Variants in SLC26A7 observed in about 807,000 individuals in gnomAD.
SLC26A7 encodes solute carrier family 26 member 7.
A neutral mutation model predicts 82.5 loss-of-function variants in SLC26A7; 59 were observed. The observed-to-expected ratio is 0.72, with a 90% confidence interval of 0.58 to 0.89. The LOEUF (loss-of-function observed/expected upper bound fraction) is 0.89, where lower values mean the gene tolerates loss of function less well. Ranked by LOEUF, SLC26A7 falls within the 40% of genes least tolerant of loss-of-function variation. SLC26A7 has a pLI of 0.00. For synonymous variants in SLC26A7, 271 were observed against 274.3 expected (o/e 0.99, Z 0.12); for missense variants, 820 against 793.0 (o/e 1.03, Z -0.41).
At chr8:91,299,263 C>T (rs538420312) in intron 4 of SLC26A7, among the ~76,000 whole-genome samples, 4 of 151,880 alleles carry the variant, frequency 2.6e-5, no homozygotes, top group Admixed American at 2.6e-4. Flanking sequence ...GGCAGTTGTA[C>T]TTTGACTTTA....
chr8:91,392,673 A>C (rs982630341), intron 16 of SLC26A7, among the ~76,000 whole-genome samples: 3 of 152,148 alleles, frequency 2.0e-5, no homozygotes, highest in African/African-American at 7.2e-5. Context: ...TAGTTGCTTT[A>C]GCATAAGAAA....
intron 4 of SLC26A7, among the ~76,000 whole-genome samples, chr8:91,313,696 C>T (rs144149227): frequency 3.1e-3 from 470 of 152,226 alleles, no homozygotes; most frequent in African/African-American, 0.011. Flanking sequence ...TCTCTTTACA[C>T]GATCATTTAG....
intron 15 of SLC26A7, among the ~76,000 whole-genome samples, chr8:91,380,050 T>C (rs1814626481): frequency 6.6e-6 from 1 of 152,070 alleles, no homozygotes; most frequent in African/African-American, 2.4e-5. Flanking sequence ...TATGCTTGAC[T>C]TCACTATTAT....
chr8:91,285,556 T>C (rs1388219676), intron 2 of SLC26A7, among the ~76,000 whole-genome samples: 1 of 152,226 alleles, frequency 6.6e-6, no homozygotes, highest in Non-Finnish European at 1.5e-5. Flanking sequence ...GTTCAACATA[T>C]AAATTTTAGG....
chr8:91,218,544 T>C (rs781063310), intron 1 of SLC26A7, among the ~76,000 whole-genome samples: 9 of 152,180 alleles, frequency 5.9e-5, no homozygotes, highest in Non-Finnish European at 7.4e-5. Flanking sequence ...ATTTGCTGAT[T>C]GATCAATTTA....
intron 2 of SLC26A7, among the ~76,000 whole-genome samples, chr8:91,259,842 T>A (rs1200395458): frequency 6.6e-6 from 1 of 152,058 alleles, no homozygotes; most frequent in Non-Finnish European, 1.5e-5. Flanking sequence ...TCATGTCCAA[T>A]CTCCACCCTA....
chr8:91,307,550 CA>C (rs1812348532), intron 4 of SLC26A7, among the ~76,000 whole-genome samples: 1 of 143,274 alleles, frequency 7.0e-6, no homozygotes, highest in Admixed American at 7.0e-5. Flanking sequence ...ATCGCAAGAA[CA>C]AAAAACCAAA....
intron 8 of SLC26A7, among the ~76,000 whole-genome samples, chr8:91,340,995 T>C (rs1813394552): frequency 6.6e-6 from 1 of 152,132 alleles, no homozygotes; most frequent in African/African-American, 2.4e-5. Flanking sequence ...TTTCTTTTTT[T>C]TTTTTTATAC....
intron 12 of SLC26A7, among the ~76,000 whole-genome samples, chr8:91,362,667 A>G (rs2130870260): frequency 6.6e-6 from 1 of 152,222 alleles, no homozygotes; most frequent in South Asian, 2.1e-4. Context: ...ATCTTAATGA[A>G]GATAAATAGC....
intron 2 of SLC26A7, among the ~76,000 whole-genome samples, chr8:91,284,418 A>G (rs1363748380): frequency 1.3e-5 from 2 of 152,218 alleles, no homozygotes; most frequent in African/African-American, 4.8e-5. Context: ...GAGATTGGAG[A>G]GACGAAGGAG....
intron 1 of SLC26A7, among the ~76,000 whole-genome samples, chr8:91,210,570 C>G (rs62526738): frequency 8.4e-5 from 4 of 47,752 alleles, no homozygotes; most frequent in Non-Finnish European, 3.0e-4. Flanking sequence ...CAGACACACA[C>G]ACACACACAC....
rs58981485 is a variant in SLC26A7, at chr8:91,316,451, A to ATTTTTTTTT, written c.478-1734_478-1726dup. 1.2e-4 allele frequency among the ~76,000 whole-genome samples: 4 copies of ATTTTTTTTT among 34,390 alleles called. 1 individual carries two copies. Among genetic ancestry groups the ATTTTTTTTT allele is most frequent in the Admixed American group, 9.2e-4 (2 of 2,164 alleles). The allele number at this position is 34,390 out of a possible 152,430, so 22.6% of individuals were successfully genotyped here. ...GAACTCGCTGCCACACTCAACACTA[A>ATTTTTTTTT]TTTTTTTTTTTTTTTTTTTTTTTTT... On this transcript the variant is annotated intron_variant, in intron 4 of 18. Coordinates refer to ENST00000276609, the MANE Select transcript of SLC26A7 (RefSeq NM_052832.4).
intron 5 of SLC26A7, among the ~76,000 whole-genome samples, chr8:91,318,888 C>T (rs914114193): frequency 2.0e-5 from 3 of 152,142 alleles, no homozygotes; most frequent in African/African-American, 7.2e-5. Flanking sequence ...TCTAACAACA[C>T]TTTTTTGTTC....
At chr8:91,340,696 C>T in intron 8 of SLC26A7, 145 bp downstream of exon 8, 1 of 932,668 alleles carries the variant, frequency 1.1e-6, no homozygotes, top group Non-Finnish European at 1.6e-6. Flanking sequence ...AGAAAAATAT[C>T]AAAATCATTC....
At chr8:91,356,653 T>C (rs1320973357) in intron 11 of SLC26A7, among the ~76,000 whole-genome samples, 2 of 152,168 alleles carry the variant, frequency 1.3e-5, no homozygotes, top group Non-Finnish European at 2.9e-5. Context: ...GAGTAGGTTG[T>C]GAAAATTTTC....
At chr8:91,262,805 A>G (rs999992312) in intron 2 of SLC26A7, among the ~76,000 whole-genome samples, 1 of 152,008 alleles carries the variant, frequency 6.6e-6, no homozygotes, top group Non-Finnish European at 1.5e-5. Flanking sequence ...AAAATGTTTA[A>G]TATTTTGGTA....
intron 2 of SLC26A7, among the ~76,000 whole-genome samples, chr8:91,221,200 A>G (rs1444809699): frequency 6.6e-6 from 1 of 152,136 alleles, no homozygotes; most frequent in Non-Finnish European, 1.5e-5. Flanking sequence ...TCCTTTGCCC[A>G]CTTTTTGATG....
chr8:91,381,508 C>A (rs1368289440), intron 15 of SLC26A7, among the ~76,000 whole-genome samples: 1 of 152,118 alleles, frequency 6.6e-6, no homozygotes, highest in African/African-American at 2.4e-5. Flanking sequence ...ATAATACTTA[C>A]TTAACTTCTT....
intron 2 of SLC26A7, among the ~76,000 whole-genome samples, chr8:91,275,136 G>A (rs771616829): frequency 2.0e-5 from 3 of 151,944 alleles, no homozygotes; most frequent in Admixed American, 6.6e-5. Flanking sequence ...AATCCAAAAC[G>A]GCATAGGAAA....
Sources: allele counts gnomAD v4.1 joint callset (sites outside exome capture counted in the v4.1 genomes callset), GRCh38; gene constraint gnomAD v4.1.1; transcripts MANE v1.5; gene names NCBI Gene and HGNC (gene_info 2026-07-23, HGNC 2026-07-21).